The following SLC6A17 variants were observed in gnomAD, a reference collection of about 807,000 sequenced individuals.
The protein encoded by SLC6A17 is solute carrier family 6 member 17, also known as sodium-dependent neutral amino acid transporter SLC6A17.
In SLC6A17, 21 loss-of-function variants were observed where a neutral mutation model predicts 64.5. The observed-to-expected ratio is 0.33, with a 90% confidence interval of 0.23 to 0.47. The LOEUF (loss-of-function observed/expected upper bound fraction) is 0.47, where lower values mean the gene tolerates loss of function less well. Ranked by LOEUF, SLC6A17 falls within the 20% of genes least tolerant of loss-of-function variation. The pLI is 1.00. For synonymous variants in SLC6A17, 372 were observed against 399.5 expected (o/e 0.93, Z 0.82); for missense variants, 682 against 963.2 (o/e 0.71, Z 3.86).
chr1:110,192,353 C>G lies in SLC6A17; in HGVS notation c.1106+140C>G. On this transcript the variant is annotated intron_variant, in intron 7 of 11. Coordinates refer to ENST00000331565, the MANE Select transcript of SLC6A17 (RefSeq NM_001010898.4). This position sits in a 1 kb window ranked among gnomAD's most constrained non-coding sequence, Gnocchi z 4.3. ...GGAATGGAGATCAGAGGAGCACTCT[C>G]TGTCCCCAGCTCCGGGCCACAGGGA... 2 of 1,455,574 alleles carry G rather than the reference C, an allele frequency of 1.4e-6. No homozygotes were observed. Among genetic ancestry groups the G allele is most frequent in the East Asian group, 2.3e-5 (1 of 43,478 alleles). The allele number at this position is 1,455,574 out of a possible 1,614,324, so 90.2% of individuals were successfully genotyped here. A position where few individuals can be genotyped will look rare whatever the true frequency, so the allele number is the denominator to read the frequency against.
At chr1:110,158,508 C>T (rs1177410227) in intron 1 of SLC6A17, among the ~76,000 whole-genome samples, 1 of 152,230 alleles carries the variant, frequency 6.6e-6, no homozygotes, top group South Asian at 2.1e-4. Flanking sequence ...TGGTAGCTGG[C>T]ACTGGTTGAT....
intron 2 of SLC6A17, among the ~76,000 whole-genome samples, chr1:110,168,422 C>T (rs1475551244): frequency 6.6e-6 from 1 of 152,226 alleles, no homozygotes; most frequent in Non-Finnish European, 1.5e-5. Context: ...AGTGAGAATG[C>T]CCACCTGAAC....
At chr1:110,193,491 G>A (rs1557841297) in intron 8 of SLC6A17, among the ~76,000 whole-genome samples, 1 of 152,272 alleles carries the variant, frequency 6.6e-6, no homozygotes, top group Non-Finnish European at 1.5e-5. Flanking sequence ...TTGGGAACCA[G>A]GCTGGAGCCA....
chr1:110,187,278 G>A (rs1656710512), intron 6 of SLC6A17, among the ~76,000 whole-genome samples: 1 of 152,206 alleles, frequency 6.6e-6, no homozygotes, highest in Non-Finnish European at 1.5e-5. Flanking sequence ...TAGGTTCAGA[G>A]ACTCCAGTGC....
chr1:110,185,335 G>A (rs753971348), intron 6 of SLC6A17, among the ~76,000 whole-genome samples: 10 of 152,322 alleles, frequency 6.6e-5, no homozygotes, highest in Middle Eastern at 3.4e-3. Context: ...CTGTTCTTGG[G>A]CAGCGGGAGC....
At chr1:110,190,442 G>A (rs1040696253) in intron 6 of SLC6A17, among the ~76,000 whole-genome samples, 31 of 152,252 alleles carry the variant, frequency 2.0e-4, no homozygotes, top group Non-Finnish European at 2.8e-4. Context: ...CTCTGCCAGC[G>A]CTCTGAGCTT....
chr1:110,198,439 C>T lies in SLC6A17; in HGVS notation c.2179C>T (p.Leu727=). 6.2e-7 allele frequency: 1 copy of T among 1,603,830 alleles called. No individual in the cohort carries two copies. The highest frequency in any genetic ancestry group is 1.1e-5 in the South Asian group (1 of 89,684). ...YLLASTPESE[L] ...GCTGGCCAGCACCCCTGAGTCGGAG[C>T]TGTGACCACTGCCCAAGCCCTGCCC... The change falls in exon 12 of 12, where the codon CTG becomes TTG. Residue 727 remains leucine, a synonymous_variant. Transcript: ENST00000331565.
intron 1 of SLC6A17, among the ~76,000 whole-genome samples, chr1:110,158,973 G>A (rs1168837763): frequency 3.3e-5 from 5 of 152,196 alleles, no homozygotes; most frequent in Non-Finnish European, 5.9e-5. Context: ...GAAAGTGCCA[G>A]CATCAAAGGA....
chr1:110,176,051 T>C lies in SLC6A17; in HGVS notation c.754-578T>C, dbSNP rs182948159. On this transcript the variant is annotated intron_variant, in intron 5 of 11. Coordinates refer to ENST00000331565, the MANE Select transcript of SLC6A17 (RefSeq NM_001010898.4). ...CACCCTGCCCAAACAGCCCTCTTCC[T>C]TTGTTTCAGTGCAGCAAACATTTTG... Among the ~76,000 whole-genome samples, 74 of 152,292 alleles carry C rather than the reference T, an allele frequency of 4.9e-4. No individual in the cohort carries two copies. In the East Asian group the frequency reaches 0.011, roughly 22 times the overall value.
chr1:110,157,538 A>G (rs1655790561), intron 1 of SLC6A17, among the ~76,000 whole-genome samples: 1 of 152,130 alleles, frequency 6.6e-6, no homozygotes, highest in Non-Finnish European at 1.5e-5. Context: ...GCGCCACTGC[A>G]CTCCAGCCTG....
intron 1 of SLC6A17, among the ~76,000 whole-genome samples, chr1:110,157,608 A>G (rs1289966332): frequency 6.6e-6 from 1 of 152,036 alleles, no homozygotes; most frequent in East Asian, 1.9e-4. Flanking sequence ...ATAAAATAAA[A>G]ATAAAAATAG....
At chr1:110,184,286 A>G (rs1656619737) in intron 6 of SLC6A17, among the ~76,000 whole-genome samples, 2 of 151,854 alleles carry the variant, frequency 1.3e-5, no homozygotes, top group Admixed American at 6.6e-5. Flanking sequence ...AATTTTTTGT[A>G]TTTTTAGTAG....
chr1:110,197,213 T>C (rs1020305211), intron 10 of SLC6A17, among the ~76,000 whole-genome samples: 2 of 152,302 alleles, frequency 1.3e-5, no homozygotes, highest in Middle Eastern at 3.4e-3. Context: ...ATCATATCTC[T>C]GGATGGGGTA....
At chr1:110,176,867 C>T in intron 6 of SLC6A17, 128 bp downstream of exon 6, 2 of 809,130 alleles carry the variant, frequency 2.5e-6, no homozygotes, top group Non-Finnish European at 3.9e-6. Context: ...CGTACCAGGC[C>T]CTGGAGAGAT....
chr1:110,172,808 C>G (rs932030430), intron 3 of SLC6A17, among the ~76,000 whole-genome samples: 1 of 152,170 alleles, frequency 6.6e-6, no homozygotes, highest in East Asian at 1.9e-4. Context: ...TGTGAGGTCT[C>G]CAGGCTCATC....
chr1:110,166,822 A>C lies in SLC6A17; in HGVS notation c.-87-21A>C. 5 of 1,399,986 alleles carry C rather than the reference A, an allele frequency of 3.6e-6. No individual in the cohort carries two copies. The South Asian group carries it at 7.5e-5, about 21-fold the overall frequency. 86.7% of individuals were successfully genotyped at this position (1,399,986 alleles called of 1,614,324 possible). A position where few individuals can be genotyped will look rare whatever the true frequency, so the allele number is the denominator to read the frequency against. On this transcript the variant is annotated intron_variant, in intron 1 of 11. Coordinates refer to ENST00000331565, the MANE Select transcript of SLC6A17 (RefSeq NM_001010898.4). ...TCCTGGTGTGGTCAGATAATCCTTT[A>C]CTGCTCACCTGGTTTCCTAGGTCCC...
intron 6 of SLC6A17, among the ~76,000 whole-genome samples, chr1:110,179,497 C>CT (rs1481746655): frequency 7.3e-5 from 11 of 151,288 alleles, no homozygotes; most frequent in Non-Finnish European, 1.2e-4. Context: ...GGGGGTGCTT[C>CT]TTTCCTTCCT....
chr1:110,159,360 T>C (rs1344779292), intron 1 of SLC6A17, among the ~76,000 whole-genome samples: 2 of 152,212 alleles, frequency 1.3e-5, no homozygotes, highest in African/African-American at 4.8e-5. Flanking sequence ...CCACAAGATC[T>C]GTTTGCACTG....
In SLC6A17 at chr1:110,201,934, T is replaced by C. The variant is rs1445982957; in HGVS notation, c.*3490T>C. 2.0e-5 allele frequency: 3 copies of C among 152,754 alleles called. 1 individual carries two copies. The highest frequency in any genetic ancestry group is 4.4e-5 in the Non-Finnish European group (3 of 68,520). The allele number at this position is 152,754 out of a possible 1,614,324, so 9.5% of individuals were successfully genotyped here. The stretch of plus-strand genomic sequence containing the variant: ...TGAGATGTGAGGTCTGCTGCTTCAC[T>C]GGGGCCCGATGACTTTGGCTGGGGG... On this transcript the variant is annotated 3_prime_UTR_variant, in exon 12 of 12. Coordinates refer to ENST00000331565, the MANE Select transcript of SLC6A17 (RefSeq NM_001010898.4).
Sources: allele counts gnomAD v4.1 joint callset (sites outside exome capture counted in the v4.1 genomes callset), GRCh38; gene constraint gnomAD v4.1.1; non-coding constraint Gnocchi (gnomAD v3.1); transcripts MANE v1.5; gene names NCBI Gene and HGNC (gene_info 2026-07-23, HGNC 2026-07-21).